Variants in DLGAP2 observed in about 807,000 individuals in gnomAD.
The protein encoded by DLGAP2 is disks large-associated protein 2.
In DLGAP2, 26 loss-of-function variants were observed where a neutral mutation model predicts 100.3. The observed-to-expected ratio is 0.26, with a 90% CI of 0.19 to 0.36. The LOEUF (loss-of-function observed/expected upper bound fraction) is 0.36, where lower values mean the gene tolerates loss of function less well. Ranked by LOEUF, DLGAP2 falls within the 10% of genes least tolerant of loss-of-function variation. The pLI, the probability that DLGAP2 is intolerant of heterozygous loss-of-function variation, is 1.00. For synonymous variants in DLGAP2, 886 were observed against 630.1 expected (o/e 1.41, Z -6.08); for missense variants, 1,858 against 1,453.2 (o/e 1.28, Z -4.53).
At chr8:1,200,737 C>T (rs988493126) in intron 2 of DLGAP2, among the ~76,000 whole-genome samples, 34 of 151,554 alleles carry the variant, frequency 2.2e-4, no homozygotes, top group African/African-American at 6.4e-4. Flanking sequence ...AGCCTGGATT[C>T]GGACTTACAG....
chr8:1,379,977 G>T (rs1485193278), intron 3 of DLGAP2, among the ~76,000 whole-genome samples: 5 of 151,326 alleles, frequency 3.3e-5, no homozygotes, highest in Admixed American at 6.6e-5. Context: ...CTCTTTTGGG[G>T]GTGCTCTCTT....
At chr8:1,080,131 T>G (rs949188060) in intron 2 of DLGAP2, among the ~76,000 whole-genome samples, 1 of 152,206 alleles carries the variant, frequency 6.6e-6, no homozygotes, top group Non-Finnish European at 1.5e-5. Flanking sequence ...GCAGGTTCGC[T>G]GGGGGGTTGC....
intron 1 of DLGAP2, among the ~76,000 whole-genome samples, chr8:851,956 G>A (rs1006439641): frequency 6.6e-6 from 1 of 152,152 alleles, no homozygotes; most frequent in East Asian, 1.9e-4. Context: ...TCTTGGGAAG[G>A]TGCAGTGACT....
chr8:1,660,964 C>G (rs1288768177), intron 8 of DLGAP2, among the ~76,000 whole-genome samples: 1 of 152,162 alleles, frequency 6.6e-6, no homozygotes, highest in Non-Finnish European at 1.5e-5. Context: ...AGCAACAAGG[C>G]TGCTGGAACC....
Position 1,529,413 on chromosome 8 carries a change from T to A in DLGAP2, c.173-19213T>A, listed in dbSNP as rs183392128. 2.6e-4 allele frequency among the ~76,000 whole-genome samples: 40 copies of A among 152,296 alleles called. No homozygotes were observed. In the East Asian group the frequency reaches 6.9e-3, roughly 26 times the overall value. ...CTGGCCATATCACCTTCTTATGATG[T>A]CTTTCATGCCACAGATTATCTCAGT... is the stretch of plus-strand genomic sequence containing the variant. On this transcript the variant is annotated intron_variant, in intron 4 of 14. Coordinates refer to ENST00000637795, the MANE Select transcript of DLGAP2 (RefSeq NM_001346810.2).
chr8:1,546,422 C>G (rs1378272230), intron 4 of DLGAP2, among the ~76,000 whole-genome samples: 1 of 152,244 alleles, frequency 6.6e-6, no homozygotes, highest in Non-Finnish European at 1.5e-5. Context: ...AAGCCGGTCC[C>G]TGACTTCCCA....
intron 3 of DLGAP2, among the ~76,000 whole-genome samples, chr8:1,314,623 G>C (rs556398411): frequency 1.3e-5 from 2 of 152,190 alleles, no homozygotes; most frequent in African/African-American, 2.4e-5. Context: ...GGTCTCATTG[G>C]AGAATTGGGG....
At chr8:805,423 C>G (rs1005395704) in intron 1 of DLGAP2, among the ~76,000 whole-genome samples, 6 of 152,118 alleles carry the variant, frequency 3.9e-5, no homozygotes, top group Non-Finnish European at 7.3e-5. Flanking sequence ...TTTGGGGCCA[C>G]TACGTTTTTA....
rs561169129 is a variant in DLGAP2 at position 1,319,741 on chromosome 8, C to G, written c.106+60858C>G. On this transcript the variant is annotated intron_variant, in intron 3 of 14. Coordinates refer to ENST00000637795, the MANE Select transcript of DLGAP2 (RefSeq NM_001346810.2). ...ACGATGGGAAGAGGCAGGACATCAG[C>G]AGCTTTGGGGGACAGTTTCCAGGCA... Among the ~76,000 whole-genome samples the G allele has an allele frequency of 2.0e-5, 3 of 152,256 alleles. No individual in the cohort carries two copies. In the East Asian group the frequency reaches 5.8e-4, roughly 30 times the overall value.
intron 2 of DLGAP2, among the ~76,000 whole-genome samples, chr8:1,135,114 T>G (rs1796377433): frequency 6.6e-6 from 1 of 152,228 alleles, no homozygotes; most frequent in South Asian, 2.1e-4. Context: ...CACCTTAACC[T>G]GTAAAGCTTT....
chr8:1,230,321 C>G (rs935040392), intron 2 of DLGAP2, among the ~76,000 whole-genome samples: 3 of 152,074 alleles, frequency 2.0e-5, no homozygotes, highest in African/African-American at 2.4e-5. Flanking sequence ...TGAAAGATAT[C>G]TACACGGAGA....
chr8:1,646,935 A>AGAAGCGTCGGAAAGGCCAGG, intron 8 of DLGAP2, among the ~76,000 whole-genome samples: 1 of 152,284 alleles, frequency 6.6e-6, no homozygotes, highest in African/African-American at 2.4e-5. Flanking sequence ...GAAAGGCCAG[A>AGAAGCGTCGGAAAGGCCAGG]GAAGCGTCGG....
chr8:1,514,963 G>A (rs1042008189), intron 4 of DLGAP2, among the ~76,000 whole-genome samples: 13 of 152,068 alleles, frequency 8.5e-5, no homozygotes, highest in South Asian at 2.1e-4. Flanking sequence ...GGAGACCGAC[G>A]TGCAGGGACA....
At chr8:1,682,763 C>G (rs933979250) in intron 12 of DLGAP2, among the ~76,000 whole-genome samples, 4 of 151,630 alleles carry the variant, frequency 2.6e-5, no homozygotes, top group African/African-American at 9.7e-5. Flanking sequence ...TATGAACCAC[C>G]ATGCCCAGCC....
chr8:922,684 C>T (rs1428005816), intron 2 of DLGAP2, among the ~76,000 whole-genome samples: 1 of 152,156 alleles, frequency 6.6e-6, no homozygotes, highest in Non-Finnish European at 1.5e-5. Flanking sequence ...TTAATACCCT[C>T]CCTTTAAACA....
At chr8:1,657,257 A>T (rs1298899249) in intron 8 of DLGAP2, among the ~76,000 whole-genome samples, 1 of 152,194 alleles carries the variant, frequency 6.6e-6, no homozygotes, top group African/African-American at 2.4e-5. Flanking sequence ...CTTTTTAAGG[A>T]CGTAGACTAG....
chr8:1,303,402 CAAAA>C (rs374350701), intron 3 of DLGAP2, among the ~76,000 whole-genome samples: 78,161 of 126,060 alleles, frequency 0.62, 21,784 homozygotes, highest in Admixed American at 0.65. Context: ...GTCTCAAAAA[CAAAA>C]AAAAAAAAAA....
intron 2 of DLGAP2, chr8:1,248,820 T>G (rs1357827516): frequency 6.6e-6 from 1 of 152,458 alleles, no homozygotes; most frequent in Non-Finnish European, 1.5e-5. Flanking sequence ...GAAGTGATGT[T>G]TTCAGTGGAG....
At chr8:1,600,660 G>T (rs1054079886) in intron 6 of DLGAP2, among the ~76,000 whole-genome samples, 1 of 152,068 alleles carries the variant, frequency 6.6e-6, no homozygotes, top group African/African-American at 2.4e-5. Context: ...TCATTTGATT[G>T]ATTCAGCTAT....
Sources: allele counts gnomAD v4.1 joint callset (sites outside exome capture counted in the v4.1 genomes callset), GRCh38; gene constraint gnomAD v4.1.1; transcripts MANE v1.5; gene names NCBI Gene and HGNC (gene_info 2026-07-23, HGNC 2026-07-21).